LY96: variants seen among roughly 807,000 people sequenced by gnomAD.
LY96 encodes myeloid differentiation protein-2.
Under a neutral mutation model 18.9 loss-of-function variants are expected in LY96, and 18 were observed. The ratio of observed to expected loss-of-function variants is 0.95; its 90% CI spans 0.66 to 1.41. The LOEUF is 1.41. LY96 is among the 40% of genes most tolerant of loss of function. LY96 has a pLI of 0.00. For synonymous variants in LY96, 66 were observed against 62.6 expected (o/e 1.06, Z -0.26); for missense variants, 175 against 182.4 (o/e 0.96, Z 0.23).
At chr8:74,041,863 G>A in the LY96 span, among the ~76,000 whole-genome samples, 49 of 152,306 alleles carry the variant, frequency 3.2e-4, no homozygotes, top group Non-Finnish European at 6.3e-4. Flanking sequence ...TTCCTCAGAA[G>A]CATGTGATCT....
At chr8:74,063,973 A>G in the LY96 span, among the ~76,000 whole-genome samples, 1 of 152,158 alleles carries the variant, frequency 6.6e-6, no homozygotes, top group Non-Finnish European at 1.5e-5. Context: ...GTTGGTTGGT[A>G]CTGCTAACAT....
At chr8:74,095,282 T>C in the LY96 span, among the ~76,000 whole-genome samples, 1 of 152,150 alleles carries the variant, frequency 6.6e-6, no homozygotes, top group Non-Finnish European at 1.5e-5. Context: ...GTCAGTAAAT[T>C]AGCAGCATAA....
chr8:74,073,378 T>G, the LY96 span, among the ~76,000 whole-genome samples: 4 of 152,288 alleles, frequency 2.6e-5, no homozygotes, highest in East Asian at 7.7e-4. Flanking sequence ...TGAAAGGTGC[T>G]TTCTCACAGA....
At chr8:74,099,063 C>T in the LY96 span, among the ~76,000 whole-genome samples, 2 of 152,296 alleles carry the variant, frequency 1.3e-5, no homozygotes, top group East Asian at 3.9e-4. Context: ...GTATTCTTGA[C>T]CCATTTTTAT....
chr8:74,036,438 A>T, the LY96 span, among the ~76,000 whole-genome samples: 1 of 152,190 alleles, frequency 6.6e-6, no homozygotes, highest in Non-Finnish European at 1.5e-5. Flanking sequence ...AATTGATCCT[A>T]TAGGTAATAT....
the LY96 span, among the ~76,000 whole-genome samples, chr8:74,088,682 T>C: frequency 6.6e-6 from 1 of 152,088 alleles, no homozygotes; most frequent in Admixed American, 6.6e-5. Flanking sequence ...GCCTCCTGGG[T>C]TCAAGCGATT....
At chr8:74,023,523 G>A (rs1816810920) in intron 3 of LY96, among the ~76,000 whole-genome samples, 1 of 152,194 alleles carries the variant, frequency 6.6e-6, no homozygotes, top group Admixed American at 6.5e-5. Context: ...TGTGGAAGGA[G>A]GACGCTGACA....
chr8:74,013,964 TG>T (rs1321016310), intron 3 of LY96, among the ~76,000 whole-genome samples: 4 of 149,792 alleles, frequency 2.7e-5, no homozygotes, highest in African/African-American at 9.9e-5. Context: ...TGGCAGGAGG[TG>T]GGGGTAGGCT....
chr8:74,027,513 C>A (rs1049999119), intron 4 of LY96, among the ~76,000 whole-genome samples: 1 of 152,072 alleles, frequency 6.6e-6, no homozygotes, highest in African/African-American at 2.4e-5. Context: ...CCATGTTGCC[C>A]AGGCTGGTCT....
At chr8:74,022,477 A>AT (rs937271871) in intron 3 of LY96, among the ~76,000 whole-genome samples, 2 of 151,350 alleles carry the variant, frequency 1.3e-5, no homozygotes, top group African/African-American at 4.9e-5. Flanking sequence ...CAAAAAAAAA[A>AT]GGGTTCTATC....
chr8:74,004,214 A>G (rs913909228), intron 1 of LY96, among the ~76,000 whole-genome samples: 2 of 152,188 alleles, frequency 1.3e-5, no homozygotes, highest in Non-Finnish European at 2.9e-5. Context: ...CTCTGTGCTG[A>G]GCAGAGGGGA....
intron 1 of LY96, among the ~76,000 whole-genome samples, chr8:73,999,901 C>T (rs1816228145): frequency 6.6e-6 from 1 of 152,158 alleles, no homozygotes; most frequent in Non-Finnish European, 1.5e-5. Flanking sequence ...TTTACTTCTT[C>T]CCTTCCAATT....
chr8:73,998,358 GT>G (rs892017631), intron 1 of LY96, among the ~76,000 whole-genome samples: 41 of 149,734 alleles, frequency 2.7e-4, no homozygotes, highest in East Asian at 5.8e-4. Context: ...ACATTTTATA[GT>G]TTTTTTTTTC....
chr8:74,048,484 G>T, the LY96 span, among the ~76,000 whole-genome samples: 1 of 152,122 alleles, frequency 6.6e-6, no homozygotes, highest in African/African-American at 2.4e-5. Flanking sequence ...AGGCTCCGAT[G>T]TTGGGAACCC....
the LY96 span, among the ~76,000 whole-genome samples, chr8:74,071,297 G>A: frequency 1.3e-5 from 2 of 151,190 alleles, no homozygotes; most frequent in Non-Finnish European, 2.9e-5. Flanking sequence ...GAAGAAACAG[G>A]GTTAGAAGAA....
intron 1 of LY96, among the ~76,000 whole-genome samples, chr8:73,997,175 A>C (rs976972407): frequency 3.3e-5 from 5 of 152,182 alleles, no homozygotes; most frequent in African/African-American, 1.2e-4. Flanking sequence ...GTTTCTGTCT[A>C]AGTCTTCTCC....
rs1491456896 is a variant in LY96, at chr8:74,002,092, T to TC, written c.113-2704_113-2703insC. Among the ~76,000 whole-genome samples the TC allele has an allele frequency of 2.7e-3, 82 of 30,066 alleles. 14 individuals carry two copies. Among genetic ancestry groups the TC allele is most frequent in the Admixed American group, 4.9e-3 (10 of 2,054 alleles). 19.7% of individuals were successfully genotyped at this position (30,066 alleles called of 152,430 possible). ...CTTCCTTCCTTTCTTTCTTTCTTTC[T>TC]TTCTCTCTCTCTCTCTCTCTCTCTC... On this transcript the variant is annotated intron_variant, in intron 1 of 4. Transcript: ENST00000284818.
the LY96 span, chr8:74,099,473 GAGT>G: frequency 1.3e-5 from 2 of 152,244 alleles, 1 homozygote; most frequent in Non-Finnish European, 2.9e-5. Flanking sequence ...ATTGACCATG[GAGT>G]GGTTCTGGCC....
At chr8:74,050,472 A>C in the LY96 span, among the ~76,000 whole-genome samples, 1 of 152,180 alleles carries the variant, frequency 6.6e-6, no homozygotes, top group African/African-American at 2.4e-5. Flanking sequence ...CACCAGGTAC[A>C]GATGTTTTGC....
Sources: allele counts gnomAD v4.1 joint callset (sites outside exome capture counted in the v4.1 genomes callset), GRCh38; gene constraint gnomAD v4.1.1; transcripts MANE v1.5; gene names NCBI Gene and HGNC (gene_info 2026-07-23, HGNC 2026-07-21).